Variants in ROBO2 observed in about 807,000 individuals in gnomAD.
ROBO2 encodes the protein roundabout homolog 2.
ROBO2 carries 53 observed loss-of-function variants against 160.8 expected under a neutral mutation model. The observed-to-expected ratio is 0.33, with a 90% CI of 0.26 to 0.41. The LOEUF is 0.41. Among genes scored for constraint, ROBO2 ranks in the 10% least tolerant of loss-of-function variants. The pLI, the probability that ROBO2 is intolerant of heterozygous loss-of-function variation, is 1.00. For synonymous variants in ROBO2, 664 were observed against 611.7 expected (o/e 1.09, Z -1.26); for missense variants, 1,577 against 1,722.4 (o/e 0.92, Z 1.49).
At chr3:77,120,970 A>T (rs1489339663) in intron 2 of ROBO2, among the ~76,000 whole-genome samples, 4 of 152,094 alleles carry the variant, frequency 2.6e-5, no homozygotes, top group Non-Finnish European at 5.9e-5. Flanking sequence ...TTTGAGACGG[A>T]GTCTCACTTT....
chr3:76,966,579 G>A lies in ROBO2; in HGVS notation c.110-131435G>A, dbSNP rs151012177. 2.9e-3 allele frequency among the ~76,000 whole-genome samples: 446 copies of A among 152,312 alleles called. 1 individual carries two copies. The highest frequency in any genetic ancestry group is 4.2e-3 in the Non-Finnish European group (284 of 68,028). ...TATGAACGAATGTATAACTTAATGG[G>A]ATGATAAGAAGGGGAGGAGATTGTG... On this transcript the variant is annotated intron_variant, in intron 2 of 26. Coordinates refer to the ROBO2 transcript ENST00000487694.
chr3:77,067,745 A>T (rs1358556239), intron 1 of ROBO2, among the ~76,000 whole-genome samples: 1 of 152,146 alleles, frequency 6.6e-6, no homozygotes, highest in Non-Finnish European at 1.5e-5. Flanking sequence ...GTAGACGCAG[A>T]CCTTCAGAAA....
In ROBO2 at chr3:77,131,610, T is replaced by A. The variant is rs115227390; in HGVS notation, c.388+33270T>A. Among the ~76,000 whole-genome samples, 1,269 of 152,134 alleles carry A rather than the reference T, an allele frequency of 8.3e-3. 15 individuals are homozygous for A. The highest frequency in any genetic ancestry group is 0.029 in the African/African-American group (1,205 of 41,532). ...AGGGGAAATATGTAACCTTCAAGAA[T>A]CCATAAACATGAAAAGTAAGTTGTT... On this transcript the variant is annotated intron_variant, in intron 2 of 25. Transcript: ENST00000461745.
At chr3:76,624,463 A>G (rs907204635) in intron 2 of ROBO2, among the ~76,000 whole-genome samples, 20 of 152,088 alleles carry the variant, frequency 1.3e-4, no homozygotes, top group Non-Finnish European at 2.4e-4. Context: ...AAGAAATGGT[A>G]TTTCTCATTG....
chr3:77,026,731 G>A lies in ROBO2; in HGVS notation c.110-71283G>A, dbSNP rs540266233. 1.1e-3 allele frequency among the ~76,000 whole-genome samples: 171 copies of A among 152,246 alleles called. 1 individual carries two copies. The highest frequency in any genetic ancestry group is 1.8e-3 in the Non-Finnish European group (124 of 67,996). On this transcript the variant is annotated intron_variant, in intron 2 of 26. Transcript: ENST00000487694. Reference sequence around the variant, plus strand: ...GATAATGGAACTAAAGTTCAGAAAAGCAAAGTATCTTTATGAGACAGATGA... The same window carrying A: ...GATAATGGAACTAAAGTTCAGAAAAACAAAGTATCTTTATGAGACAGATGA...
chr3:76,739,771 A>G (rs2093772820), intron 2 of ROBO2, among the ~76,000 whole-genome samples: 1 of 152,206 alleles, frequency 6.6e-6, no homozygotes, highest in Admixed American at 6.5e-5. Context: ...TTACTGTAAA[A>G]AAAAGGATAG....
At chr3:76,562,294 A>G (rs1267868484) in intron 2 of ROBO2, among the ~76,000 whole-genome samples, 1 of 152,020 alleles carries the variant, frequency 6.6e-6, no homozygotes, top group African/African-American at 2.4e-5. Context: ...AATACTTCCT[A>G]TAATACCTGG....
intron 6 of ROBO2, among the ~76,000 whole-genome samples, chr3:77,540,583 C>T (rs1189481651): frequency 1.3e-5 from 2 of 150,414 alleles, no homozygotes; most frequent in Admixed American, 6.7e-5. Flanking sequence ...AGTGGGGGCG[C>T]GCAGGGGGAG....
At chr3:76,774,523 G>T (rs767537142) in intron 2 of ROBO2, among the ~76,000 whole-genome samples, 2 of 150,734 alleles carry the variant, frequency 1.3e-5, no homozygotes, top group Non-Finnish European at 3.0e-5. Flanking sequence ...GGAAAAACCT[G>T]ATAGAAAGCA....
At chr3:77,127,376 A>G (rs1326291704) in intron 2 of ROBO2, among the ~76,000 whole-genome samples, 1 of 151,918 alleles carries the variant, frequency 6.6e-6, no homozygotes, top group Non-Finnish European at 1.5e-5. Context: ...TACATACTGA[A>G]CTTTTTCTTG....
At chr3:76,243,010 T>G (rs923839353) in intron 2 of ROBO2, among the ~76,000 whole-genome samples, 1 of 152,198 alleles carries the variant, frequency 6.6e-6, no homozygotes, top group Admixed American at 6.5e-5. Flanking sequence ...TTCCCCCGCT[T>G]CTAGGCCTTT....
intron 2 of ROBO2, among the ~76,000 whole-genome samples, chr3:76,833,283 T>A (rs2067242705): frequency 6.6e-6 from 1 of 152,116 alleles, no homozygotes; most frequent in Non-Finnish European, 1.5e-5. Context: ...ATTTTCAGGT[T>A]TTACTTAGTT....
At chr3:76,180,775 A>G (rs976124862) in intron 2 of ROBO2, among the ~76,000 whole-genome samples, 1 of 152,136 alleles carries the variant, frequency 6.6e-6, no homozygotes, top group Admixed American at 6.6e-5. Flanking sequence ...AGATTACACA[A>G]CTCAACTGCT....
intron 2 of ROBO2, among the ~76,000 whole-genome samples, chr3:76,956,720 C>A (rs1044411412): frequency 2.0e-4 from 31 of 151,900 alleles, no homozygotes; most frequent in African/African-American, 7.5e-4. Context: ...ATGCTCTAGG[C>A]CACTGTTTCC....
At chr3:77,222,282 A>G (rs1232243390) in intron 2 of ROBO2, among the ~76,000 whole-genome samples, 2 of 152,176 alleles carry the variant, frequency 1.3e-5, no homozygotes, top group Non-Finnish European at 1.5e-5. Context: ...AATATACTAC[A>G]TTGTCAATAT....
intron 2 of ROBO2, among the ~76,000 whole-genome samples, chr3:76,930,005 T>C (rs911943463): frequency 9.2e-5 from 14 of 152,208 alleles, no homozygotes; most frequent in African/African-American, 3.4e-4. Flanking sequence ...TCTTCTTGTA[T>C]ATTACTTTGT....
intron 2 of ROBO2, among the ~76,000 whole-genome samples, chr3:76,635,442 G>A (rs1425924704): frequency 1.3e-5 from 2 of 152,178 alleles, no homozygotes; most frequent in East Asian, 3.9e-4. Context: ...GTAAAATGGA[G>A]TAAATAATGC....
chr3:76,909,056 A>C (rs2075799160), intron 2 of ROBO2, among the ~76,000 whole-genome samples: 1 of 152,154 alleles, frequency 6.6e-6, no homozygotes. Flanking sequence ...TCTCTAAAAA[A>C]TATATACATA....
At chr3:76,851,861 C>T (rs1370948019) in intron 2 of ROBO2, among the ~76,000 whole-genome samples, 1 of 151,682 alleles carries the variant, frequency 6.6e-6, no homozygotes, top group South Asian at 2.1e-4. Context: ...AAGACTTCCT[C>T]ATAGACAGGG....
Sources: gnomAD v4.1 joint callset for allele counts (sites outside exome capture counted in the v4.1 genomes callset) on GRCh38, gnomAD v4.1.1 for gene constraint, MANE v1.5 for transcripts, NCBI Gene and HGNC (gene_info 2026-07-23, HGNC 2026-07-21) for gene names.